The following MYCBP2 variants were observed in gnomAD, a reference collection of about 807,000 sequenced individuals.
MYCBP2 encodes the protein E3 ubiquitin-protein ligase MYCBP2.
In MYCBP2, 120 loss-of-function variants were observed where a neutral mutation model predicts 525.3. That is an observed-to-expected ratio of 0.23 (90% CI 0.20 to 0.27). The LOEUF (loss-of-function observed/expected upper bound fraction) is 0.27. Ranked by LOEUF, MYCBP2 falls within the 10% of genes least tolerant of loss-of-function variation. MYCBP2 has a pLI of 1.00. For synonymous variants in MYCBP2, 1,894 were observed against 1,955.8 expected (o/e 0.97, Z 0.83); for missense variants, 4,149 against 5,657.1 (o/e 0.73, Z 8.55).
intron 21 of MYCBP2, among the ~76,000 whole-genome samples, chr13:77,215,921 T>C (rs2064756959): frequency 6.6e-6 from 1 of 152,166 alleles, no homozygotes; most frequent in South Asian, 2.1e-4. Context: ...GACATATAAA[T>C]ATATGCATAC....
At chr13:77,194,478 C>G (rs953124049) in intron 26 of MYCBP2, among the ~76,000 whole-genome samples, 2 of 152,134 alleles carry the variant, frequency 1.3e-5, no homozygotes, top group African/African-American at 4.8e-5. Flanking sequence ...ATATATTCAT[C>G]TATTTACATC....
chr13:77,139,703 A>G (rs746634013), intron 51 of MYCBP2, among the ~76,000 whole-genome samples: 1 of 152,228 alleles, frequency 6.6e-6, no homozygotes, highest in Non-Finnish European at 1.5e-5. Context: ...CCAGAAAAAT[A>G]TACTGTCCAA....
At chr13:77,112,152 C>T (rs1300839215) in intron 55 of MYCBP2, among the ~76,000 whole-genome samples, 1 of 151,868 alleles carries the variant, frequency 6.6e-6, no homozygotes, top group Admixed American at 6.6e-5. Flanking sequence ...CTGATAAGTG[C>T]TTCCTATTTT....
rs2056357457 is a variant in MYCBP2 at position 77,150,849 on chromosome 13, G to T, written c.7016C>A (p.Ala2339Asp). The T allele has an allele frequency of 2.5e-6, 4 of 1,614,134 alleles. No individual in the cohort carries two copies. The highest frequency in any genetic ancestry group is 3.4e-6 in the Non-Finnish European group (4 of 1,180,006). The change falls in exon 47 of 83, where the codon GCT (alanine) becomes GAT (aspartate). Residue 2339 changes from alanine to aspartate, a missense_variant. Around this residue, in one of 21 missense-constraint regions of MYCBP2, gnomAD observed 692 missense variants for 852.7 expected, o/e 0.81. Coordinates refer to ENST00000544440, the MANE Select transcript of MYCBP2 (RefSeq NM_015057.5). ...QRIPGSPAVT[A>D]ASSNTDMTYG... The stretch of plus-strand genomic sequence containing the variant: ...AGTCATGTCAGTATTAGAAGATGCA[G>T]CTGTTACTGCAGGACTGCCAGGAAT...
chr13:77,163,578 T>A (rs1200094771), intron 43 of MYCBP2, among the ~76,000 whole-genome samples: 1 of 152,192 alleles, frequency 6.6e-6, no homozygotes, highest in Non-Finnish European at 1.5e-5. Flanking sequence ...CTCCCTTGAT[T>A]ATAGATTAAT....
intron 3 of MYCBP2, 65 bp from the exon 4 acceptor site, chr13:77,278,976 T>C: frequency 8.3e-7 from 1 of 1,211,686 alleles, no homozygotes; most frequent in Non-Finnish European, 1.1e-6. Context: ...TCTAAGCAGT[T>C]TAGTTGGTAC....
At chr13:77,103,283 C>G in intron 55 of MYCBP2, 1 of 397,500 alleles carries the variant, frequency 2.5e-6, no homozygotes, top group Non-Finnish European at 4.4e-6. Flanking sequence ...AATGCGCTCA[C>G]GAGAAGCAAG....
intron 46 of MYCBP2, among the ~76,000 whole-genome samples, chr13:77,155,474 A>T (rs2057096327): frequency 6.6e-6 from 1 of 152,180 alleles, no homozygotes; most frequent in Non-Finnish European, 1.5e-5. Flanking sequence ...TGAGATATTC[A>T]TATTAACAGA....
rs761508365 is a variant in MYCBP2 at position 77,059,615 on chromosome 13, T to A, written c.13048A>T (p.Thr4350Ser). ...EFREHTGKPTTSSSEACRFCG... is the reference protein window; with the variant it reads ...EFREHTGKPTSSSSEACRFCG... ...AAGCGACATGCTTCTGAGCTACTCG[T>A]GGTGGGTTTGCCTAGGTTCAAGCAG... Residue 4350 changes from threonine (T) to serine (S), a missense_variant, in exon 77 of 83, where the codon ACG becomes TCG. Physicochemically the swap from Thr to Ser is moderately conservative, Grantham distance 58. This residue lies in a region of MYCBP2 where 220 missense variants were observed against 396.0 expected (regional missense o/e 0.56). Coordinates refer to ENST00000544440, the MANE Select transcript of MYCBP2 (RefSeq NM_015057.5). 2.5e-6 allele frequency: 4 copies of A among 1,613,686 alleles called. No individual in the cohort carries two copies. Among genetic ancestry groups the A allele is most frequent in the Non-Finnish European group, 3.4e-6 (4 of 1,179,650 alleles).
chr13:77,229,480 T>G (rs1027301383), intron 18 of MYCBP2, among the ~76,000 whole-genome samples: 1 of 152,168 alleles, frequency 6.6e-6, no homozygotes, highest in African/African-American at 2.4e-5. Flanking sequence ...CTTAAATCCT[T>G]TGTAAAAATA....
At chr13:77,239,374 A>G (rs1244719124) in intron 17 of MYCBP2, among the ~76,000 whole-genome samples, 1 of 152,192 alleles carries the variant, frequency 6.6e-6, no homozygotes, top group Non-Finnish European at 1.5e-5. Context: ...CCGGAACACT[A>G]ACATTTTATT....
At chr13:77,142,174 C>T (rs1182367623) in intron 49 of MYCBP2, among the ~76,000 whole-genome samples, 4 of 152,108 alleles carry the variant, frequency 2.6e-5, no homozygotes, top group Middle Eastern at 3.2e-3. Context: ...TTTCTACTTT[C>T]GAATTCCTAC....
At chr13:77,137,692 G>T (rs556867429) in intron 52 of MYCBP2, among the ~76,000 whole-genome samples, 1 of 152,088 alleles carries the variant, frequency 6.6e-6, no homozygotes, top group South Asian at 2.1e-4. Context: ...GAGTTCCAGC[G>T]ATTCTCCCGC....
At chr13:77,115,434 T>C (rs1027652825) in intron 55 of MYCBP2, among the ~76,000 whole-genome samples, 1 of 151,928 alleles carries the variant, frequency 6.6e-6, no homozygotes, top group African/African-American at 2.4e-5. Context: ...TTCATGTCTC[T>C]GTGTGCACAC....
chr13:77,164,818 T>C (rs527514416), intron 42 of MYCBP2, among the ~76,000 whole-genome samples: 1 of 152,312 alleles, frequency 6.6e-6, no homozygotes, highest in South Asian at 2.1e-4. Context: ...ATTTAAAACA[T>C]TTAGACAAGA....
chr13:77,135,013 A>G (rs1209329444), intron 52 of MYCBP2, among the ~76,000 whole-genome samples: 1 of 152,236 alleles, frequency 6.6e-6, no homozygotes, highest in Non-Finnish European at 1.5e-5. Flanking sequence ...ACATTCAGTC[A>G]GTGTTCAAAC....
chr13:77,232,939 A>C (rs2067329950), intron 18 of MYCBP2, among the ~76,000 whole-genome samples: 1 of 152,322 alleles, frequency 6.6e-6, no homozygotes, highest in South Asian at 2.1e-4. Context: ...ATATTGTAAA[A>C]TATCTCCTTT....
At chr13:77,087,674 A>G (rs1263324975) in intron 61 of MYCBP2, 41 bp from the exon 62 acceptor site, 2 of 1,562,758 alleles carry the variant, frequency 1.3e-6, no homozygotes, top group Non-Finnish European at 1.7e-6. Context: ...AATAAAATAC[A>G]TGAGTTTAAA....
At position 77,083,100 on chromosome 13, in the gene MYCBP2, C is replaced by A. The variant is rs909386869; in HGVS notation, c.10968G>T (p.Leu3656Phe). 6.2e-7 allele frequency: 1 copy of A among 1,613,580 alleles called. No individual in the cohort carries two copies. The highest frequency in any genetic ancestry group is 1.7e-5 in the Admixed American group (1 of 59,962). ...AHPLPHTFHRLLQTISDLMMS... is the reference protein window; with the variant it reads ...AHPLPHTFHRFLQTISDLMMS... ...TCATAAGGTCTGAGATGGTCTGCAG[C>A]AAGCGGTGAAAGGTGTGTGGTAAAG... Residue 3656 changes from leucine (L) to phenylalanine (F), a missense_variant, in exon 63 of 83, where the codon TTG (leucine) becomes TTT (phenylalanine). Physicochemically the swap from Leu to Phe is conservative, Grantham distance 22. Around this residue, in one of 21 missense-constraint regions of MYCBP2, gnomAD observed 509 missense variants for 789.4 expected, o/e 0.64. Transcript: ENST00000544440.
Sources: allele counts gnomAD v4.1 joint callset (sites outside exome capture counted in the v4.1 genomes callset), GRCh38; gene constraint gnomAD v4.1.1; regional missense constraint gnomAD v4.1.1; transcripts MANE v1.5; gene names NCBI Gene and HGNC (gene_info 2026-07-23, HGNC 2026-07-21).